CCNL2: variants seen among roughly 807,000 people sequenced by gnomAD.
The protein encoded by CCNL2 is cyclin L2.
Under a neutral mutation model 59.1 loss-of-function variants are expected in CCNL2, and 28 were observed. The observed-to-expected ratio is 0.47, with a 90% CI of 0.35 to 0.65. CCNL2 has a LOEUF of 0.65. Ranked by LOEUF, CCNL2 falls within the 30% of genes least tolerant of loss-of-function variation. The pLI is 0.00. For missense variants in CCNL2, 714 were observed against 717.4 expected, an observed-to-expected ratio of 1.00 and a Z score of 0.05; for synonymous variants, 342 against 288.6, an observed-to-expected ratio of 1.19 and a Z score of -1.88.
chr1:1,396,668 C>T lies in CCNL2; in HGVS notation c.474-1154G>A, dbSNP rs147277069. 6.4e-3 allele frequency among the ~76,000 whole-genome samples: 925 copies of T among 145,386 alleles called. 3 individuals carry two copies. Among genetic ancestry groups the T allele is most frequent in the Non-Finnish European group, 8.4e-3 (561 of 66,614 alleles). On this transcript the variant is annotated intron_variant, in intron 3 of 10. Coordinates refer to ENST00000400809, the MANE Select transcript of CCNL2 (RefSeq NM_030937.6). ...CAATCTCAGCTCACTGCACCTCTAA[C>T]TCCCCGGTTCCAGCGATTCTCCTGC... is the stretch of plus-strand genomic sequence containing the variant.
chr1:1,393,534 G>T, intron 4 of CCNL2, 74 bp from the exon 5 acceptor site: 3 of 1,316,126 alleles, frequency 2.3e-6, no homozygotes, highest in Non-Finnish European at 2.2e-6. Flanking sequence ...GGGTGTCCAT[G>T]CAGCAAACAA....
chr1:1,393,574 C>G, intron 4 of CCNL2, 114 bp from the exon 5 acceptor site: 1 of 883,182 alleles, frequency 1.1e-6, no homozygotes, highest in Non-Finnish European at 1.9e-6. Context: ...AGGAGTGGCT[C>G]CTGGCCACAC....
chr1:1,394,752 G>GAA (rs745453245), intron 4 of CCNL2, among the ~76,000 whole-genome samples: 840 of 42,776 alleles, frequency 0.02, 18 homozygotes, highest in African/African-American at 0.042. Context: ...TCCGTCTCAA[G>GAA]AAAAAAAAAA....
intron 6 of CCNL2, 45 bp from the exon 7 acceptor site, chr1:1,390,608 C>T (rs771498090): frequency 7.1e-6 from 11 of 1,542,546 alleles, no homozygotes; most frequent in South Asian, 2.3e-5. Flanking sequence ...CTCAACTTCA[C>T]GGCCAGCAAG....
intron 4 of CCNL2, among the ~76,000 whole-genome samples, chr1:1,394,000 C>G (rs559622692): frequency 8.5e-4 from 129 of 152,142 alleles, no homozygotes; most frequent in African/African-American, 3.0e-3. Context: ...GTGGTGCACG[C>G]CTGTAATCCC....
At chr1:1,388,772 G>GAAAAAAAA in intron 8 of CCNL2, 6 of 152,198 alleles carry the variant, frequency 3.9e-5, no homozygotes, top group South Asian at 1.2e-4. Flanking sequence ...CTCCGTCTCA[G>GAAAAAAAA]AAAAAAAAAA....
Position 1,398,244 on chromosome 1 carries a change from C to A in CCNL2, c.462G>T (p.Leu154=), listed in dbSNP as rs941047221. ...VINVFHRLRQ[L]RDKKKPVPLL... ...TCTGACTGACTCACTTTTTGTCTCTCAGCTGTCGAAGGCGGTGAAACACAT... is the reference window on the plus strand; with the variant it reads ...TCTGACTGACTCACTTTTTGTCTCTAAGCTGTCGAAGGCGGTGAAACACAT... The change falls in exon 3 of 11, where the codon CTG becomes CTT. Residue 154 remains leucine, a synonymous_variant. Transcript: ENST00000400809. 6.2e-7 allele frequency: 1 copy of A among 1,614,030 alleles called. No homozygotes were observed. The highest frequency in any genetic ancestry group is 8.5e-7 in the Non-Finnish European group (1 of 1,179,970).
At chr1:1,389,173 T>A (rs1037445607) in intron 8 of CCNL2, 10 of 154,268 alleles carry the variant, frequency 6.5e-5, no homozygotes, top group African/African-American at 2.2e-4. Flanking sequence ...ATTGAGACCA[T>A]CCTGGCTAAC....
rs766703647 is a variant in CCNL2 at position 1,387,495 on chromosome 1, G to A, written c.1299C>T (p.Pro433=). ...CAGAGCCTTTGTAGGGAGCGCTGCGGGGGGCCTGTCTCGGTGGGGAGTCAC... is the reference window on the plus strand; with the variant it reads ...CAGAGCCTTTGTAGGGAGCGCTGCGAGGGGCCTGTCTCGGTGGGGAGTCAC... ...SRSDSPPRQA[P]RSAPYKGSEI... Residue 433 remains proline, a synonymous_variant, in exon 11 of 11, where the codon CCC becomes CCT. Coordinates refer to ENST00000400809, the MANE Select transcript of CCNL2 (RefSeq NM_030937.6). The A allele has an allele frequency of 1.9e-6, 3 of 1,595,756 alleles. No homozygotes were observed. Among genetic ancestry groups the A allele is most frequent in the South Asian group, 2.2e-5 (2 of 89,584 alleles).
rs1553189415 is a variant in CCNL2, at chr1:1,399,283, A to AGGG, written c.23_24insCCC (p.Ala8_Gly9insPro). 6.1e-6 allele frequency: 9 copies of AGGG among 1,470,786 alleles called. No homozygotes were observed. Among genetic ancestry groups the AGGG allele is most frequent in the Non-Finnish European group, 8.0e-6 (9 of 1,118,710 alleles). The allele number at this position is 1,470,786 out of a possible 1,614,324, so 91.1% of individuals were successfully genotyped here. ...CGGGAGCTGCCGACCCTGCAGCACC[A>AGGG]GCCGCCGCCGCCGCCGCCGCCATTT... On this transcript the variant is annotated inframe_insertion, in exon 1 of 11. Coordinates refer to ENST00000400809, the MANE Select transcript of CCNL2 (RefSeq NM_030937.6).
In CCNL2 at chr1:1,386,054, GCCC is replaced by G. The variant is rs1358509727; in HGVS notation, c.*1174_*1176del. 1 of 152,236 alleles carries G rather than the reference GCCC, an allele frequency of 6.6e-6. No homozygotes were observed. The highest frequency in any genetic ancestry group is 2.1e-4 in the South Asian group (1 of 4,830). 9.4% of individuals were successfully genotyped at this position (152,236 alleles called of 1,614,324 possible). A position where few individuals can be genotyped will look rare whatever the true frequency, so the allele number is the denominator to read the frequency against. On this transcript the variant is annotated 3_prime_UTR_variant, in exon 11 of 11. Transcript: ENST00000400809. Reference sequence around the variant, plus strand: ...TCCAAACGGTACCACCAGGAGTGGGGCCCCCTAGTCCCCAAAACCAAAACTGTG... The same window carrying G: ...TCCAAACGGTACCACCAGGAGTGGGGCCTAGTCCCCAAAACCAAAACTGTG...
At chr1:1,388,266 T>C (rs148937622) in intron 8 of CCNL2, 20,798 of 576,646 alleles carry the variant, frequency 0.036, 586 homozygotes, top group East Asian at 0.1. Context: ...CTCACGCCTG[T>C]GAGCCCAGCA....
intron 8 of CCNL2, among the ~76,000 whole-genome samples, chr1:1,389,741 C>T (rs941581800): frequency 1.7e-4 from 26 of 152,058 alleles, no homozygotes; most frequent in East Asian, 1.9e-4. Flanking sequence ...GGGCAGATCA[C>T]GAGGTCAGGA....
chr1:1,395,307 A>G (rs1644957613), intron 4 of CCNL2, 87 bp downstream of exon 4: 60 of 1,475,438 alleles, frequency 4.1e-5, no homozygotes, highest in South Asian at 5.9e-5. Context: ...TCCTCTTCAG[A>G]GCCTTCAACT....
At chr1:1,393,484 T>C (rs750063464) in intron 4 of CCNL2, 24 bp from the exon 5 acceptor site, 6 of 1,608,678 alleles carry the variant, frequency 3.7e-6, no homozygotes, top group Non-Finnish European at 5.1e-6. Context: ...GTCAGGCAGT[T>C]ATTACCAAGA....
At chr1:1,390,962 C>T (rs1399297025) in intron 5 of CCNL2, 97 bp from the exon 6 acceptor site, 11 of 1,073,556 alleles carry the variant, frequency 1.0e-5, no homozygotes, top group East Asian at 4.8e-5. Flanking sequence ...ACGTACTACT[C>T]CTCTAAGGAG....
rs1302732908 is a variant in CCNL2 at position 1,394,103 on chromosome 1, C to A, written c.595-643G>T. On this transcript the variant is annotated intron_variant, in intron 4 of 10. Transcript: ENST00000400809. ...TTGCGCCATTGCACTCCAGCCTGGA[C>A]AACAGAGCGAGATTCCGTCTCCAAA... Among the ~76,000 whole-genome samples the A allele has an allele frequency of 4.8e-5, 7 of 145,308 alleles. No individual in the cohort carries two copies. The East Asian group carries it at 1.2e-3, about 25-fold the overall frequency.
At chr1:1,397,849 G>A (rs1645128022) in intron 3 of CCNL2, among the ~76,000 whole-genome samples, 2 of 152,140 alleles carry the variant, frequency 1.3e-5, no homozygotes, top group Admixed American at 6.6e-5. Context: ...TGGACAACAG[G>A]AAACCTGTCT....
chr1:1,388,925 A>G (rs1259531443), intron 8 of CCNL2: 1 of 261,736 alleles, frequency 3.8e-6, no homozygotes, highest in Non-Finnish European at 7.7e-6. Context: ...AAAATACAAA[A>G]TTAGCTCAGT....
Sources: gnomAD v4.1 joint callset for allele counts (sites outside exome capture counted in the v4.1 genomes callset) on GRCh38, gnomAD v4.1.1 for gene constraint, MANE v1.5 for transcripts, NCBI Gene and HGNC (gene_info 2026-07-23, HGNC 2026-07-21) for gene names.